The following FOXP1 variants were observed in gnomAD, a reference collection of about 807,000 sequenced individuals.
FOXP1 encodes forkhead box protein P1.
A neutral mutation model predicts 98.2 loss-of-function variants in FOXP1; 15 were observed. That is an observed-to-expected ratio of 0.15 (90% CI 0.10 to 0.24). The LOEUF (loss-of-function observed/expected upper bound fraction) is 0.24, where lower values mean the gene tolerates loss of function less well. FOXP1 is among the 10% of genes least tolerant of loss of function. The pLI is 1.00. For missense variants in FOXP1, 633 were observed against 848.5 expected, an observed-to-expected ratio of 0.75 and a Z score of 3.15; for synonymous variants, 371 against 314.5, an observed-to-expected ratio of 1.18 and a Z score of -1.90.
rs6147878 is a variant in FOXP1 at position 71,067,731 on chromosome 3, TACACAC to T, written c.283-13964_283-13959del. On this transcript the variant is annotated intron_variant, in intron 7 of 20. Transcript: ENST00000649528. ...CACAGTGGGACTCCGTCTCCAAAAA[TACACAC>T]ACACACACACACACACACACACACA... 2.4e-4 allele frequency among the ~76,000 whole-genome samples: 30 copies of T among 126,614 alleles called. 1 individual carries two copies. Among genetic ancestry groups the T allele is most frequent in the East Asian group, 7.0e-4 (3 of 4,292 alleles). The allele number at this position is 126,614 out of a possible 152,430, so 83.1% of individuals were successfully genotyped here. A position where few individuals can be genotyped will look rare whatever the true frequency, so the allele number is the denominator to read the frequency against.
At chr3:71,452,622 AT>A in intron 3 of FOXP1, among the ~76,000 whole-genome samples, 1 of 152,082 alleles carries the variant, frequency 6.6e-6, no homozygotes, top group Non-Finnish European at 1.5e-5. Context: ...CAAGGCATAC[AT>A]TTTTTTACCG....
At chr3:71,546,519 A>G (rs2045374922) in intron 2 of FOXP1, among the ~76,000 whole-genome samples, 1 of 152,118 alleles carries the variant, frequency 6.6e-6, no homozygotes, top group Non-Finnish European at 1.5e-5. Context: ...TGTCATTCAT[A>G]TACACACAGA....
intron 3 of FOXP1, among the ~76,000 whole-genome samples, chr3:71,459,915 T>C (rs1025653121): frequency 3.9e-5 from 6 of 151,938 alleles, no homozygotes; most frequent in Non-Finnish European, 8.8e-5. Flanking sequence ...TAAAATAATA[T>C]ATCAGGCCCC....
At chr3:71,071,357 A>T (rs1049288705) in intron 7 of FOXP1, among the ~76,000 whole-genome samples, 1 of 152,168 alleles carries the variant, frequency 6.6e-6, no homozygotes, top group Non-Finnish European at 1.5e-5. Flanking sequence ...GGGCTCATCT[A>T]CAGGCCGCTG....
At chr3:71,475,629 G>C (rs962902934) in intron 3 of FOXP1, among the ~76,000 whole-genome samples, 1 of 152,128 alleles carries the variant, frequency 6.6e-6, no homozygotes, top group Admixed American at 6.5e-5. Flanking sequence ...GATCACTTGA[G>C]GTCAGGAGTT....
intron 4 of FOXP1, among the ~76,000 whole-genome samples, chr3:71,344,816 G>C (rs920231987): frequency 3.4e-5 from 5 of 148,784 alleles, no homozygotes; most frequent in Non-Finnish European, 5.9e-5. Flanking sequence ...CTGGGGGAAA[G>C]AGCGAGAGTC....
At chr3:71,496,158 T>C (rs571300524) in intron 2 of FOXP1, among the ~76,000 whole-genome samples, 5 of 152,292 alleles carry the variant, frequency 3.3e-5, no homozygotes, top group South Asian at 2.1e-4. Flanking sequence ...AAAACAAACA[T>C]GTTGCAATCC....
Position 71,396,980 on chromosome 3 carries a change from ATGTG to A in FOXP1, c.-167-37740_-167-37737del, listed in dbSNP as rs1199462820. On this transcript the variant is annotated intron_variant, in intron 3 of 20. Transcript: ENST00000649528. ...TATATATATGTGTGTATATATATATATGTGTATATATATACACATATATATGTGT... is the reference window on the plus strand; with the variant it reads ...TATATATATGTGTGTATATATATATATATATATATACACATATATATGTGT... Among the ~76,000 whole-genome samples, 8 of 27,376 alleles carry A rather than the reference ATGTG, an allele frequency of 2.9e-4. 1 individual carries two copies. Among genetic ancestry groups the A allele is most frequent in the African/African-American group, 1.1e-3 (7 of 6,138 alleles). 18.0% of individuals were successfully genotyped at this position (27,376 alleles called of 152,430 possible).
chr3:71,480,041 C>G (rs1412873834), intron 3 of FOXP1, among the ~76,000 whole-genome samples: 1 of 152,172 alleles, frequency 6.6e-6, no homozygotes, highest in African/African-American at 2.4e-5. Context: ...ACTAAAAATA[C>G]AAAAATTAGC....
At chr3:70,969,503 G>C (rs945781698) in intron 19 of FOXP1, 2 of 152,138 alleles carry the variant, frequency 1.3e-5, no homozygotes, top group African/African-American at 4.8e-5. Context: ...GTAGGGTACA[G>C]AGTCGTGCTC....
At chr3:71,267,124 A>AGTGTGTGTGTGTGT (rs1553808466) in intron 5 of FOXP1, among the ~76,000 whole-genome samples, 1 of 148,298 alleles carries the variant, frequency 6.7e-6, no homozygotes. Flanking sequence ...TATGGGAGAG[A>AGTGTGTGTGTGTGT]GTGTGTGTGT....
chr3:71,491,432 G>A (rs1371445402), intron 3 of FOXP1, among the ~76,000 whole-genome samples: 7 of 152,168 alleles, frequency 4.6e-5, no homozygotes, highest in South Asian at 2.1e-4. Flanking sequence ...TGAGAGAACC[G>A]AACAACTTGC....
rs371218138 is a variant in FOXP1, at chr3:71,178,555, C to G, written c.180+19647G>C. ...CTTGAGGCCAGGAGCTTGAGACCAG[C>G]CTGGTCAATGTGGTGACACCTTGCC... On this transcript the variant is annotated intron_variant, in intron 6 of 20. Transcript: ENST00000649528. Among the ~76,000 whole-genome samples, 429 of 152,172 alleles carry G rather than the reference C, an allele frequency of 2.8e-3. 2 individuals are homozygous for G. Among genetic ancestry groups the G allele is most frequent in the African/African-American group, 9.6e-3 (397 of 41,526 alleles).
chr3:71,256,687 C>T (rs1397853878), intron 5 of FOXP1, among the ~76,000 whole-genome samples: 13 of 152,108 alleles, frequency 8.5e-5, no homozygotes, highest in Admixed American at 6.5e-4. Flanking sequence ...CGGCCTCTCA[C>T]TTCAATGTTC....
chr3:71,033,726 A>G (rs1278515035), intron 11 of FOXP1, among the ~76,000 whole-genome samples: 2 of 152,038 alleles, frequency 1.3e-5, no homozygotes, highest in African/African-American at 4.8e-5. Flanking sequence ...ATACGGCACC[A>G]TGCCACATGG....
At chr3:71,331,993 G>A (rs2107727991) in intron 4 of FOXP1, among the ~76,000 whole-genome samples, 1 of 152,286 alleles carries the variant, frequency 6.6e-6, no homozygotes, top group East Asian at 1.9e-4. Context: ...AGACCAACTG[G>A]CTCTTTGTAA....
At chr3:71,482,363 T>C (rs953919445) in intron 3 of FOXP1, among the ~76,000 whole-genome samples, 2 of 131,554 alleles carry the variant, frequency 1.5e-5, no homozygotes, top group East Asian at 2.5e-4. Context: ...AAATAATACA[T>C]AACCTTTTTT....
chr3:71,411,539 G>A (rs1371617388), intron 3 of FOXP1, among the ~76,000 whole-genome samples: 4 of 152,084 alleles, frequency 2.6e-5, no homozygotes, highest in African/African-American at 9.7e-5. Context: ...AGCCAGGATG[G>A]TCTCGATCTC....
chr3:71,539,357 G>A (rs2044604233), intron 2 of FOXP1, among the ~76,000 whole-genome samples: 1 of 147,318 alleles, frequency 6.8e-6, no homozygotes, highest in Admixed American at 6.8e-5. Context: ...TCCTGACCTC[G>A]TGATCCACCT....
Sources: gnomAD v4.1 joint callset for allele counts (sites outside exome capture counted in the v4.1 genomes callset) on GRCh38, gnomAD v4.1.1 for gene constraint, MANE v1.5 for transcripts, NCBI Gene and HGNC (gene_info 2026-07-23, HGNC 2026-07-21) for gene names.